Variants in MTUS2 observed in about 807,000 individuals in gnomAD.
The protein encoded by MTUS2 is microtubule-associated tumor suppressor candidate 2.
In MTUS2, 40 loss-of-function variants were observed where a neutral mutation model predicts 114.1. That is an observed-to-expected ratio of 0.35 (90% CI 0.27 to 0.46). MTUS2 has a LOEUF of 0.46. Ranked by LOEUF, MTUS2 falls within the 20% of genes least tolerant of loss-of-function variation. MTUS2 has a pLI of 1.00. For missense variants in MTUS2, 1,679 were observed against 1,705.4 expected (o/e 0.98, Z 0.27); for synonymous variants, 688 against 672.0 (o/e 1.02, Z -0.37).
intron 2 of MTUS2, among the ~76,000 whole-genome samples, chr13:28,893,499 G>A (rs1276145244): frequency 6.6e-6 from 1 of 152,218 alleles, no homozygotes; most frequent in Non-Finnish European, 1.5e-5. Flanking sequence ...TTTGTGGTTA[G>A]AAGAATCTTG....
chr13:29,188,400 G>A (rs999827298), intron 5 of MTUS2, among the ~76,000 whole-genome samples: 9 of 152,142 alleles, frequency 5.9e-5, no homozygotes, highest in Admixed American at 2.6e-4. Context: ...GCCCGAAATG[G>A]CCTCTGCATA....
rs140848206 is a variant in MTUS2 at position 29,143,743 on chromosome 13, G to A, written c.2644+42773G>A. ...CTGATGACACAAAATTATGTAGGCT[G>A]GTAAAAACCATAGAGAATTCTATGA... On this transcript the variant is annotated intron_variant, in intron 5 of 15. Coordinates refer to ENST00000612955, the MANE Select transcript of MTUS2 (RefSeq NM_001033602.4). Among the ~76,000 whole-genome samples, 420 of 152,202 alleles carry A rather than the reference G, an allele frequency of 2.8e-3. 2 individuals are homozygous for A. Among genetic ancestry groups the A allele is most frequent in the African/African-American group, 9.6e-3 (400 of 41,538 alleles).
intron 9 of MTUS2, among the ~76,000 whole-genome samples, chr13:29,473,165 A>G (rs1238227750): frequency 1.3e-5 from 2 of 152,108 alleles, no homozygotes; most frequent in African/African-American, 4.8e-5. Context: ...TATATATTAT[A>G]TATACACACA....
intron 2 of MTUS2, among the ~76,000 whole-genome samples, chr13:28,899,697 A>G (rs552965915): frequency 1.3e-5 from 2 of 152,220 alleles, no homozygotes; most frequent in Admixed American, 1.3e-4. Context: ...GGTGTGAGCC[A>G]CCATGCCCAG....
At chr13:29,453,442 A>T (rs1878882873) in intron 9 of MTUS2, among the ~76,000 whole-genome samples, 1 of 152,224 alleles carries the variant, frequency 6.6e-6, no homozygotes, top group Non-Finnish European at 1.5e-5. Flanking sequence ...GAGGAAAAGA[A>T]AGATGTGACC....
chr13:29,347,962 A>G (rs78444714), intron 7 of MTUS2, among the ~76,000 whole-genome samples: 13,497 of 41,422 alleles, frequency 0.33, 5,115 homozygotes, highest in Non-Finnish European at 0.66. Flanking sequence ...GAGGGATCCC[A>G]AGTGCAGGAG....
At chr13:29,462,673 G>A in intron 9 of MTUS2, among the ~76,000 whole-genome samples, 1 of 152,122 alleles carries the variant, frequency 6.6e-6, no homozygotes, top group Admixed American at 6.6e-5. Context: ...ACTATAAAGA[G>A]GGAGAGAAAT....
At chr13:29,429,064 C>G (rs1243008645) in intron 8 of MTUS2, among the ~76,000 whole-genome samples, 6 of 152,202 alleles carry the variant, frequency 3.9e-5, no homozygotes, top group Non-Finnish European at 8.8e-5. Context: ...GAGTGGTGTT[C>G]ACAGAAACAT....
At chr13:29,170,005 T>C (rs1164024669) in intron 5 of MTUS2, among the ~76,000 whole-genome samples, 3 of 152,330 alleles carry the variant, frequency 2.0e-5, no homozygotes, top group East Asian at 1.9e-4. Context: ...AATGTTGATA[T>C]ATTAGCAAAG....
chr13:28,978,006 GA>G (rs1485776830), intron 2 of MTUS2, among the ~76,000 whole-genome samples: 1 of 152,136 alleles, frequency 6.6e-6, no homozygotes, highest in Non-Finnish European at 1.5e-5. Flanking sequence ...CACAAAGATA[GA>G]AAAATGACTT....
intron 2 of MTUS2, among the ~76,000 whole-genome samples, chr13:28,912,453 C>T (rs1880496851): frequency 6.6e-6 from 1 of 152,130 alleles, no homozygotes; most frequent in African/African-American, 2.4e-5. Context: ...GTGATGCCTC[C>T]AGCTTTGTTG....
chr13:29,004,302 C>T (rs1482771967), intron 2 of MTUS2, among the ~76,000 whole-genome samples: 2 of 152,150 alleles, frequency 1.3e-5, no homozygotes, highest in Non-Finnish European at 2.9e-5. Context: ...TATATATTCT[C>T]ATTTAAAAAA....
At chr13:29,454,337 C>T (rs1566209676) in intron 9 of MTUS2, among the ~76,000 whole-genome samples, 1 of 152,186 alleles carries the variant, frequency 6.6e-6, no homozygotes, top group Non-Finnish European at 1.5e-5. Context: ...AGAGACCAGG[C>T]TGGCAGCTAA....
At chr13:28,921,170 G>C (rs950681356) in intron 2 of MTUS2, among the ~76,000 whole-genome samples, 1 of 152,180 alleles carries the variant, frequency 6.6e-6, no homozygotes, top group African/African-American at 2.4e-5. Context: ...CCTGAAGCCA[G>C]CACATCTCAG....
intron 8 of MTUS2, among the ~76,000 whole-genome samples, chr13:29,365,318 G>A (rs561184159): frequency 2.0e-5 from 3 of 152,266 alleles, no homozygotes; most frequent in East Asian, 1.9e-4. Context: ...TCAGAATAGC[G>A]AAGTCTTCTC....
In MTUS2 at chr13:29,390,134, C is replaced by A. The variant is rs192696462; in HGVS notation, c.3117+30661C>A. ...ACACATACACACACAAACATATATA[C>A]TGACTATATATATATACACACACAC... On this transcript the variant is annotated intron_variant, in intron 8 of 15. Coordinates refer to ENST00000612955, the MANE Select transcript of MTUS2 (RefSeq NM_001033602.4). Among the ~76,000 whole-genome samples, 217 of 140,442 alleles carry A rather than the reference C, an allele frequency of 1.5e-3. 11 individuals are homozygous for A. Among genetic ancestry groups the A allele is most frequent in the African/African-American group, 5.6e-3 (211 of 37,922 alleles). 92.1% of individuals were successfully genotyped at this position (140,442 alleles called of 152,430 possible). A position where few individuals can be genotyped will look rare whatever the true frequency, so the allele number is the denominator to read the frequency against.
intron 2 of MTUS2, among the ~76,000 whole-genome samples, chr13:28,867,735 A>G (rs1877386262): frequency 6.6e-6 from 1 of 152,228 alleles, no homozygotes; most frequent in South Asian, 2.1e-4. Context: ...GACTTGGCTC[A>G]GCCATCATGA....
At chr13:29,235,373 A>G (rs1052975218) in intron 5 of MTUS2, among the ~76,000 whole-genome samples, 1 of 152,180 alleles carries the variant, frequency 6.6e-6, no homozygotes, top group East Asian at 1.9e-4. Flanking sequence ...GATTGCAGGC[A>G]TGAGCGACCG....
chr13:29,328,490 T>C (rs1231958576), intron 7 of MTUS2, among the ~76,000 whole-genome samples: 1 of 152,250 alleles, frequency 6.6e-6, no homozygotes, highest in Non-Finnish European at 1.5e-5. Context: ...GATTCTTTAG[T>C]TGACGGTTGG....
Sources: allele counts gnomAD v4.1 joint callset (sites outside exome capture counted in the v4.1 genomes callset), GRCh38; gene constraint gnomAD v4.1.1; transcripts MANE v1.5; gene names NCBI Gene and HGNC (gene_info 2026-07-23, HGNC 2026-07-21).